Variants in DOK6 observed in about 807,000 individuals in gnomAD.
DOK6 encodes the protein downstream of tyrosine kinase 6.
A neutral mutation model predicts 44.0 loss-of-function variants in DOK6; 22 were observed. The observed-to-expected ratio is 0.50, with a 90% CI of 0.36 to 0.71. DOK6 has a LOEUF of 0.71. Among genes scored for constraint, DOK6 ranks in the 30% least tolerant of loss-of-function variants. DOK6 has a pLI of 0.00. For missense variants in DOK6, 340 were observed against 416.4 expected, an observed-to-expected ratio of 0.82 and a Z score of 1.60; for synonymous variants, 166 against 145.5, an observed-to-expected ratio of 1.14 and a Z score of -1.01.
chr18:69,634,017 C>G (rs11662555), intron 3 of DOK6, among the ~76,000 whole-genome samples: 61,833 of 151,566 alleles, frequency 0.41, 15,408 homozygotes, highest in Non-Finnish European at 0.55. Flanking sequence ...TTAGCAGTGA[C>G]TTTGATCTAA....
chr18:69,501,317 A>G (rs1211249060), intron 1 of DOK6, among the ~76,000 whole-genome samples: 1 of 152,134 alleles, frequency 6.6e-6, no homozygotes, highest in Non-Finnish European at 1.5e-5. Context: ...GTTGCTTACT[A>G]GGTAATCAAG....
At chr18:69,702,255 T>G (rs913601320) in intron 5 of DOK6, among the ~76,000 whole-genome samples, 1 of 151,728 alleles carries the variant, frequency 6.6e-6, no homozygotes, top group Non-Finnish European at 1.5e-5. Context: ...ACTACTGATA[T>G]CTGTCCTGCA....
intron 1 of DOK6, among the ~76,000 whole-genome samples, chr18:69,522,322 C>T (rs1981710766): frequency 6.6e-6 from 1 of 151,984 alleles, no homozygotes; most frequent in South Asian, 2.1e-4. Flanking sequence ...CGGAGGTCCC[C>T]AAACACAATA....
At chr18:69,552,383 TA>T (rs1982587088) in intron 1 of DOK6, among the ~76,000 whole-genome samples, 1 of 152,030 alleles carries the variant, frequency 6.6e-6, no homozygotes, top group African/African-American at 2.4e-5. Flanking sequence ...TATTCTATAT[TA>T]AATTTATATT....
At chr18:69,623,069 C>T (rs1190868495) in intron 3 of DOK6, among the ~76,000 whole-genome samples, 1 of 152,152 alleles carries the variant, frequency 6.6e-6, no homozygotes, top group Admixed American at 6.5e-5. Flanking sequence ...GTGGACTTCT[C>T]CCTTACTGTT....
At chr18:69,618,217 T>C (rs142830321) in intron 3 of DOK6, among the ~76,000 whole-genome samples, 410 of 152,320 alleles carry the variant, frequency 2.7e-3, no homozygotes, top group Middle Eastern at 0.01. Context: ...ACATTTCTGC[T>C]GCTTTAAACC....
chr18:69,566,440 T>C (rs1349148262), intron 2 of DOK6, among the ~76,000 whole-genome samples: 1 of 152,198 alleles, frequency 6.6e-6, no homozygotes, highest in Non-Finnish European at 1.5e-5. Flanking sequence ...CCGGCCCAGT[T>C]TATTTTTATT....
intron 1 of DOK6, among the ~76,000 whole-genome samples, chr18:69,517,017 T>C (rs1196457557): frequency 1.3e-5 from 2 of 152,142 alleles, no homozygotes; most frequent in African/African-American, 4.8e-5. Flanking sequence ...TCTTTCTCCG[T>C]CTACAAGAAT....
At chr18:69,749,017 A>C (rs1979080720) in intron 6 of DOK6, among the ~76,000 whole-genome samples, 1 of 152,210 alleles carries the variant, frequency 6.6e-6, no homozygotes, top group Non-Finnish European at 1.5e-5. Flanking sequence ...GACATGGATG[A>C]GCTGGAAAGC....
intron 5 of DOK6, among the ~76,000 whole-genome samples, chr18:69,735,026 A>C (rs1019639735): frequency 2.6e-5 from 4 of 152,220 alleles, no homozygotes; most frequent in African/African-American, 9.7e-5. Context: ...TCTGCCCTTG[A>C]AGGCAACTAA....
intron 1 of DOK6, among the ~76,000 whole-genome samples, chr18:69,448,275 G>C (rs1979354020): frequency 6.6e-6 from 1 of 152,166 alleles, no homozygotes; most frequent in South Asian, 2.1e-4. Context: ...CTTTTTGCTG[G>C]CATTGTAGTT....
chr18:69,407,585 A>G (rs1028800282), intron 1 of DOK6, among the ~76,000 whole-genome samples: 1 of 152,242 alleles, frequency 6.6e-6, no homozygotes, highest in Non-Finnish European at 1.5e-5. Flanking sequence ...TTTAAGATAC[A>G]GAGCAGTATT....
chr18:69,512,687 A>G (rs1043383207), intron 1 of DOK6, among the ~76,000 whole-genome samples: 7 of 152,038 alleles, frequency 4.6e-5, no homozygotes, highest in Admixed American at 4.6e-4. Context: ...CGTTTTTAAT[A>G]GTGGGGGTGG....
In DOK6 at chr18:69,401,198, A is replaced by ACGGCGG; in HGVS notation, c.-46_-45insGGCGGC. On this transcript the variant is annotated 5_prime_UTR_variant, in exon 1 of 8. Transcript: ENST00000382713. ...ACCCGGCGGCGGACGGCGGCTCTCG[A>ACGGCGG]CTCCGGAGAGCGGATCGCGGGGCGC... The ACGGCGG allele has an allele frequency of 6.6e-7, 1 of 1,514,562 alleles. No individual in the cohort carries two copies. The highest frequency in any genetic ancestry group is 8.8e-7 in the Non-Finnish European group (1 of 1,131,358). The allele number at this position is 1,514,562 out of a possible 1,614,324, so 93.8% of individuals were successfully genotyped here.
intron 1 of DOK6, among the ~76,000 whole-genome samples, chr18:69,472,702 G>A (rs1015220656): frequency 5.9e-5 from 9 of 151,728 alleles, no homozygotes; most frequent in East Asian, 5.8e-4. Context: ...GCATACATAC[G>A]TATACACATA....
At chr18:69,682,373 C>T (rs1599260705) in intron 4 of DOK6, among the ~76,000 whole-genome samples, 1 of 152,170 alleles carries the variant, frequency 6.6e-6, no homozygotes, top group African/African-American at 2.4e-5. Context: ...ATAAGCAGAT[C>T]TTCGTTGTTC....
chr18:69,464,278 T>C (rs978883501), intron 1 of DOK6, among the ~76,000 whole-genome samples: 1 of 152,198 alleles, frequency 6.6e-6, no homozygotes, highest in Non-Finnish European at 1.5e-5. Context: ...TGATGTGAGA[T>C]TTTCTAAAAA....
At chr18:69,828,182 T>C (rs1174085405) in intron 7 of DOK6, among the ~76,000 whole-genome samples, 2 of 151,866 alleles carry the variant, frequency 1.3e-5, no homozygotes, top group Non-Finnish European at 3.0e-5. Context: ...AGCAATGAAA[T>C]ATTTATAGTT....
At chr18:69,431,805 G>T (rs1978813701) in intron 1 of DOK6, among the ~76,000 whole-genome samples, 1 of 152,092 alleles carries the variant, frequency 6.6e-6, no homozygotes, top group Admixed American at 6.6e-5. Context: ...TATATATTTT[G>T]TAACTTTTTA....
Sources: gnomAD v4.1 joint callset for allele counts (sites outside exome capture counted in the v4.1 genomes callset) on GRCh38, gnomAD v4.1.1 for gene constraint, MANE v1.5 for transcripts, NCBI Gene and HGNC (gene_info 2026-07-23, HGNC 2026-07-21) for gene names.